MACF1: variants seen among roughly 807,000 people sequenced by gnomAD.
MACF1 encodes the protein microtubule-actin cross-linking factor 1.
Under a neutral mutation model 854.8 loss-of-function variants are expected in MACF1, and 193 were observed. The observed-to-expected ratio is 0.23, with a 90% CI of 0.20 to 0.25. The LOEUF (loss-of-function observed/expected upper bound fraction) is 0.25. Among genes scored for constraint, MACF1 ranks in the 10% least tolerant of loss-of-function variants. MACF1 has a pLI of 1.00. For synonymous variants in MACF1, 3,185 were observed against 3,226.7 expected, an observed-to-expected ratio of 0.99 and a Z score of 0.44; for missense variants, 7,722 against 8,929.1, an observed-to-expected ratio of 0.86 and a Z score of 5.45.
In MACF1 at chr1:39,334,096, T is replaced by C. The variant is rs1646772314; in HGVS notation, c.7508T>C (p.Val2503Ala). 6.2e-7 allele frequency: 1 copy of C among 1,614,136 alleles called. No individual in the cohort carries two copies. The highest frequency in any genetic ancestry group is 8.5e-7 in the Non-Finnish European group (1 of 1,180,002). Residue 2503 changes from valine (V) to alanine (A), a missense_variant, in exon 37 of 101, where the codon GTA becomes GCA. Physicochemically the swap from Val to Ala is moderately conservative, Grantham distance 64. Transcript: ENST00000564288. ...EAVRLLTKQVVDGGIIHHISG... is the reference protein window; with the variant it reads ...EAVRLLTKQVADGGIIHHISG... ...GTTCGTTTGTTGACTAAGCAAGTGG[T>C]AGATGGAGGTATCATTCACCATATA...
At chr1:39,145,300 A>G (rs1643437765) in intron 2 of MACF1, among the ~76,000 whole-genome samples, 1 of 152,124 alleles carries the variant, frequency 6.6e-6, no homozygotes, top group African/African-American at 2.4e-5. Context: ...AACTCTCAAT[A>G]AGTAATTTAG....
chr1:39,378,635 G>T (rs1649917887), intron 53 of MACF1, 112 bp downstream of exon 53: 3 of 1,066,628 alleles, frequency 2.8e-6, no homozygotes, highest in African/African-American at 1.5e-5. Context: ...CAGAATGGGT[G>T]TGAGGATAAA....
At chr1:39,172,044 C>A (rs1347921240) in intron 2 of MACF1, among the ~76,000 whole-genome samples, 1 of 152,198 alleles carries the variant, frequency 6.6e-6, no homozygotes, top group East Asian at 1.9e-4. Flanking sequence ...CGGTGGAAAC[C>A]TCCCTGAGTG....
At chr1:39,459,892 G>T in intron 91 of MACF1, 1 of 1,243,528 alleles carries the variant, frequency 8.0e-7, no homozygotes, top group Non-Finnish European at 1.1e-6. Flanking sequence ...AAGCTTATTG[G>T]GTTCTTGGTG....
chr1:39,326,108 T>G (rs1646604791), intron 35 of MACF1, among the ~76,000 whole-genome samples: 1 of 152,148 alleles, frequency 6.6e-6, no homozygotes, highest in Non-Finnish European at 1.5e-5. Flanking sequence ...TTGTGGGGTC[T>G]GGCCTCTGAA....
chr1:39,334,085 T>C lies in MACF1; in HGVS notation c.7497T>C (p.Thr2499=), dbSNP rs766118552. The stretch of plus-strand genomic sequence containing the variant: ...GAGAGGAGGCCGTTCGTTTGTTGAC[T>C]AAGCAAGTGGTAGATGGAGGTATCA... ...LEREEAVRLL[T]KQVVDGGIIH... Residue 2499 remains threonine, a synonymous_variant, in exon 37 of 101, where the codon ACT becomes ACC. Coordinates refer to ENST00000564288, the MANE Select transcript of MACF1 (RefSeq NM_001394062.1). The C allele has an allele frequency of 1.2e-6, 2 of 1,614,186 alleles. No homozygotes were observed. The highest frequency in any genetic ancestry group is 2.2e-5 in the South Asian group (2 of 91,082).
At position 39,340,817 on chromosome 1, in the gene MACF1, A is replaced by G. The variant is rs781302846; in HGVS notation, c.10445A>G (p.Asn3482Ser). 95 of 1,613,348 alleles carry G rather than the reference A, an allele frequency of 5.9e-5. No homozygotes were observed. The highest frequency in any genetic ancestry group is 2.6e-4 in the South Asian group (24 of 90,848). Residue 3482 changes from asparagine to serine, a missense_variant, in exon 40 of 101, where the codon AAT becomes AGT. Coordinates refer to ENST00000564288, the MANE Select transcript of MACF1 (RefSeq NM_001394062.1). ...TTTATTTCTTAGACTAAAGTGTTAA[A>G]TCAGCACACACAGCTAGAAGGCCGA... ...AVEIEKTKVL[N>S]QHTQLEGRLQ...
At position 39,385,724 on chromosome 1, in the gene MACF1, C is replaced by T. The variant is rs908755084; in HGVS notation, c.14139C>T (p.Ser4713=). Residue 4713 remains serine (S), a synonymous_variant, in exon 57 of 101, where the codon AGC becomes AGT. Transcript: ENST00000564288. ...GGCTGAGTGTCCAGTCAGCTATCAG[C>T]ACCCAACCAGAGGCTGTAAAGCAGC... ...GQRLSVQSAI[S]TQPEAVKQQL... is the part of the protein sequence containing the mutation. 4.3e-6 allele frequency: 7 copies of T among 1,614,030 alleles called. No homozygotes were observed. In the African/African-American group the frequency reaches 9.3e-5, roughly 22 times the overall value.
At chr1:39,358,929 A>C (rs1227782619) in intron 46 of MACF1, 56 bp downstream of exon 46, 1 of 1,539,840 alleles carries the variant, frequency 6.5e-7, no homozygotes, top group African/African-American at 1.4e-5. Flanking sequence ...CCATGGCGTA[A>C]AGTACCCCAA....
chr1:39,357,790 T>C lies in MACF1; in HGVS notation c.11840T>C (p.Met3947Thr), dbSNP rs749582983. 4 of 1,614,018 alleles carry C rather than the reference T, an allele frequency of 2.5e-6. No homozygotes were observed. The highest frequency in any genetic ancestry group is 3.4e-6 in the Non-Finnish European group (4 of 1,180,014). ...ATCTCAGGACAGAAAGTCTTGGACA[T>C]GGAAAACAGTTTTAAGGAAGGCAAA... ...VTISGQKVLD[M>T]ENSFKEGKEP... Residue 3947 changes from methionine to threonine, a missense_variant, in exon 45 of 101, where the codon ATG becomes ACG. Physicochemically the swap from Met to Thr is moderately conservative, Grantham distance 81 (BLOSUM62 -1). Transcript: ENST00000564288.
chr1:39,326,006 CTGGTGGTTTGAT>C (rs567114094), intron 35 of MACF1, among the ~76,000 whole-genome samples: 2 of 152,060 alleles, frequency 1.3e-5, no homozygotes, highest in South Asian at 4.2e-4. Flanking sequence ...GCAGAAGAGA[CTGGTGGTTTGAT>C]TGATTTGGGG....
intron 2 of MACF1, among the ~76,000 whole-genome samples, chr1:39,147,409 C>A (rs1330491095): frequency 2.8e-5 from 4 of 145,038 alleles, no homozygotes; most frequent in Non-Finnish European, 6.0e-5. Context: ...CTTCCCTTTT[C>A]TTTTTCCTTC....
chr1:39,198,123 G>A (rs762851974), intron 2 of MACF1, among the ~76,000 whole-genome samples: 4 of 152,052 alleles, frequency 2.6e-5, no homozygotes, highest in Non-Finnish European at 5.9e-5. Context: ...ACTTGAGCCC[G>A]GTAGTTTGAG....
chr1:39,405,976 C>A (rs1642682957), intron 58 of MACF1, among the ~76,000 whole-genome samples: 1 of 152,012 alleles, frequency 6.6e-6, no homozygotes. Context: ...CAGAGTTTCA[C>A]ATACCTAAAC....
chr1:39,360,815 A>G lies in MACF1; in HGVS notation c.12267A>G (p.Gln4089=). Residue 4089 remains glutamine, a synonymous_variant, in exon 48 of 101, where the codon CAA becomes CAG. Coordinates refer to ENST00000564288, the MANE Select transcript of MACF1 (RefSeq NM_001394062.1). ...ETTDSILSHF[Q]SLSYSLAERS... ...CAGATTCCATACTCAGCCACTTCCA[A>G]AGCCTCTCCTATAGCCTGGCTGAGC... 1 of 1,612,684 alleles carries G rather than the reference A, an allele frequency of 6.2e-7. No homozygotes were observed. Among genetic ancestry groups the G allele is most frequent in the Non-Finnish European group, 8.5e-7 (1 of 1,179,198 alleles).
At chr1:39,101,230 G>A (rs1317516309) in intron 2 of MACF1, among the ~76,000 whole-genome samples, 5 of 151,442 alleles carry the variant, frequency 3.3e-5, no homozygotes, top group African/African-American at 4.9e-5. Flanking sequence ...GGTGGCAGGC[G>A]CCTGTAATCC....
chr1:39,432,038 A>G (rs1306724874), intron 66 of MACF1, among the ~76,000 whole-genome samples: 4 of 152,132 alleles, frequency 2.6e-5, no homozygotes, highest in Non-Finnish European at 5.9e-5. Context: ...CACGTAGAAC[A>G]TGTTCTTGGT....
chr1:39,444,777 G>T lies in MACF1; in HGVS notation c.19547G>T (p.Ser6516Ile), dbSNP rs779013648. The change falls in exon 80 of 101, where the codon AGT becomes ATT. Residue 6516 changes from serine (S) to isoleucine (I), a missense_variant. Ser to Ile is a moderately radical substitution (Grantham distance 142, BLOSUM62 -2). Around this residue, in one of 15 missense-constraint regions of MACF1, gnomAD observed 729 missense variants for 900.5 expected, o/e 0.81. Transcript: ENST00000564288. The part of the protein sequence containing the change: ...DSGSGSKTEQ[S>I]VALLEQKWHV... The stretch of plus-strand genomic sequence containing the variant: ...GGGTCTGGCTCCAAGACAGAACAGA[G>T]TGTAGCACTTTTGGAGCAGAAGTGG... The T allele has an allele frequency of 1.1e-5, 17 of 1,613,826 alleles. No individual in the cohort carries two copies. In the Admixed American group the frequency reaches 2.8e-4, roughly 27 times the overall value.
intron 15 of MACF1, among the ~76,000 whole-genome samples, chr1:39,288,120 T>A (rs1435942079): frequency 3.3e-5 from 5 of 152,186 alleles, no homozygotes; most frequent in African/African-American, 7.2e-5. Flanking sequence ...AATCACATCA[T>A]GGAAAATGAG....
Sources: allele counts gnomAD v4.1 joint callset (sites outside exome capture counted in the v4.1 genomes callset), GRCh38; gene constraint gnomAD v4.1.1; regional missense constraint gnomAD v4.1.1; transcripts MANE v1.5; gene names NCBI Gene and HGNC (gene_info 2026-07-23, HGNC 2026-07-21).